The following ANO2 variants were observed in gnomAD, a reference collection of about 807,000 sequenced individuals.
ANO2 encodes anoctamin 2.
ANO2 carries 101 observed loss-of-function variants against 124.2 expected under a neutral mutation model. That is an observed-to-expected ratio of 0.81 (90% CI 0.69 to 0.96). The LOEUF (loss-of-function observed/expected upper bound fraction) is 0.96. ANO2 is among the 40% of genes least tolerant of loss of function. The probability of loss-of-function intolerance (pLI) is 0.00; values close to 1 mark genes in which losing one functional copy is unlikely to be tolerated. For missense variants in ANO2, 1,293 were observed against 1,274.5 expected (o/e 1.01, Z -0.22); for synonymous variants, 486 against 482.5 (o/e 1.01, Z -0.09).
chr12:5,594,054 C>A (rs925311863), intron 20 of ANO2, among the ~76,000 whole-genome samples: 8 of 152,128 alleles, frequency 5.3e-5, no homozygotes, highest in African/African-American at 1.9e-4. Context: ...AATAAAATAG[C>A]CATGTCTCTA....
intron 14 of ANO2, among the ~76,000 whole-genome samples, chr12:5,672,464 C>T (rs1439190245): frequency 1.3e-5 from 2 of 152,134 alleles, no homozygotes; most frequent in Non-Finnish European, 2.9e-5. Flanking sequence ...AAGCAAAGTC[C>T]TTAGGTTGGA....
intron 3 of ANO2, among the ~76,000 whole-genome samples, chr12:5,888,859 A>AGGTGGAGCTGCCTGCC (rs1939172987): frequency 6.6e-6 from 1 of 152,220 alleles, no homozygotes; most frequent in Non-Finnish European, 1.5e-5. Flanking sequence ...CTGGGGCCGC[A>AGGTGGAGCTGCCTGCC]GGTGGAGCTG....
intron 14 of ANO2, among the ~76,000 whole-genome samples, chr12:5,696,386 C>A (rs1949177155): frequency 6.6e-6 from 1 of 151,978 alleles, no homozygotes; most frequent in South Asian, 2.1e-4. Context: ...ATACCAATAA[C>A]TTGAAAATAC....
At chr12:5,736,543 C>T (rs1200855583) in intron 13 of ANO2, among the ~76,000 whole-genome samples, 1 of 152,160 alleles carries the variant, frequency 6.6e-6, no homozygotes, top group African/African-American at 2.4e-5. Context: ...ACCCCTGCCT[C>T]CCTCCCTCCA....
chr12:5,814,506 C>T (rs996679502), intron 7 of ANO2, among the ~76,000 whole-genome samples: 1 of 152,208 alleles, frequency 6.6e-6, no homozygotes, highest in African/African-American at 2.4e-5. Context: ...CCTTCCCACT[C>T]CCACTTCATT....
At chr12:5,801,923 G>T (rs1168196310) in intron 9 of ANO2, among the ~76,000 whole-genome samples, 1 of 152,172 alleles carries the variant, frequency 6.6e-6, no homozygotes, top group Non-Finnish European at 1.5e-5. Flanking sequence ...ACACCTGGTT[G>T]TCATAGTGAC....
chr12:5,923,653 C>A (rs1260464691), intron 1 of ANO2, among the ~76,000 whole-genome samples: 1 of 152,192 alleles, frequency 6.6e-6, no homozygotes, highest in Non-Finnish European at 1.5e-5. Flanking sequence ...AGGACCACTT[C>A]AGAAAAATTC....
intron 12 of ANO2, among the ~76,000 whole-genome samples, chr12:5,741,496 G>A (rs34940965): frequency 0.046 from 7,002 of 152,180 alleles, 237 homozygotes; most frequent in Non-Finnish European, 0.067. Context: ...TCTTCCTACC[G>A]CTCCTTCCTT....
chr12:5,686,254 G>A (rs1312662157), intron 14 of ANO2, among the ~76,000 whole-genome samples: 2 of 152,082 alleles, frequency 1.3e-5, no homozygotes. Context: ...AACCCTGCAG[G>A]ACCACTACCC....
At chr12:5,812,112 C>G (rs1480713389) in intron 7 of ANO2, among the ~76,000 whole-genome samples, 1 of 127,856 alleles carries the variant, frequency 7.8e-6, no homozygotes, top group African/African-American at 3.0e-5. Context: ...GGAGGCGAGG[C>G]CAGGGAAGGG....
At chr12:5,652,950 G>A (rs1395182995) in intron 14 of ANO2, among the ~76,000 whole-genome samples, 1 of 152,164 alleles carries the variant, frequency 6.6e-6, no homozygotes, top group Admixed American at 6.5e-5. Flanking sequence ...CCTCTCTGAA[G>A]GGGCAGTATC....
chr12:5,750,766 C>A, intron 11 of ANO2, 70 bp downstream of exon 11: 1 of 1,505,916 alleles, frequency 6.6e-7, no homozygotes, highest in Non-Finnish European at 9.0e-7. Flanking sequence ...GTGAAATGTA[C>A]TTGTACTGGG....
intron 7 of ANO2, among the ~76,000 whole-genome samples, chr12:5,822,438 CCT>C (rs976734655): frequency 2.6e-5 from 4 of 152,206 alleles, no homozygotes; most frequent in South Asian, 2.1e-4. Flanking sequence ...CCCAGCCACC[CCT>C]GTCATTGCTC....
chr12:5,928,066 G>C (rs1039820550), intron 1 of ANO2, among the ~76,000 whole-genome samples: 2 of 152,176 alleles, frequency 1.3e-5, no homozygotes, highest in Non-Finnish European at 1.5e-5. Flanking sequence ...CAGAAAGTGA[G>C]TTCACTAAGC....
At chr12:5,878,336 T>C (rs928408169) in intron 3 of ANO2, among the ~76,000 whole-genome samples, 1 of 152,050 alleles carries the variant, frequency 6.6e-6, no homozygotes, top group African/African-American at 2.4e-5. Flanking sequence ...CATTAAGGAG[T>C]GGTGGAATCG....
intron 17 of ANO2, among the ~76,000 whole-genome samples, chr12:5,614,482 G>T (rs923674558): frequency 3.9e-5 from 6 of 152,186 alleles, no homozygotes; most frequent in Non-Finnish European, 7.4e-5. Flanking sequence ...AATCACAAAT[G>T]ACTGATAGAA....
chr12:5,791,254 C>T (rs1050243513), intron 10 of ANO2, among the ~76,000 whole-genome samples: 10 of 150,714 alleles, frequency 6.6e-5, no homozygotes, highest in Non-Finnish European at 1.5e-4. Context: ...TTGACAAAAG[C>T]AAGAAGTGAC....
At chr12:5,690,954 A>G (rs1948909805) in intron 14 of ANO2, among the ~76,000 whole-genome samples, 1 of 152,208 alleles carries the variant, frequency 6.6e-6, no homozygotes, top group African/African-American at 2.4e-5. Flanking sequence ...ACATATAGGG[A>G]GCATATGACA....
rs528816251 is a variant in ANO2 at position 5,768,678 on chromosome 12, C to T, written c.1056-17708G>A. On this transcript the variant is annotated intron_variant, in intron 10 of 24. Coordinates refer to ENST00000682330, the MANE Select transcript of ANO2 (RefSeq NM_001364791.2). ...GCCTTCTCATCACCAGCCTGGCCAC[C>T]GAGGGACTGACCCATGCCTGTACGG... Among the ~76,000 whole-genome samples, 5 of 152,252 alleles carry T rather than the reference C, an allele frequency of 3.3e-5. No individual in the cohort carries two copies. In the East Asian group the frequency reaches 5.8e-4, roughly 18 times the overall value.
Sources: allele counts gnomAD v4.1 joint callset (sites outside exome capture counted in the v4.1 genomes callset), GRCh38; gene constraint gnomAD v4.1.1; transcripts MANE v1.5; gene names NCBI Gene and HGNC (gene_info 2026-07-23, HGNC 2026-07-21).